CNTN4: variants seen among roughly 807,000 people sequenced by gnomAD.
The protein encoded by CNTN4 is contactin 4.
In CNTN4, 77 loss-of-function variants were observed where a neutral mutation model predicts 122.5. That is an observed-to-expected ratio of 0.63 (90% confidence interval 0.52 to 0.76). The LOEUF is 0.76. CNTN4 is among the 30% of genes least tolerant of loss of function. CNTN4 has a pLI of 0.00. For missense variants in CNTN4, 1,256 were observed against 1,259.1 expected (o/e 1.00, Z 0.04); for synonymous variants, 512 against 447.0 (o/e 1.15, Z -1.83).
At chr3:2,447,684 A>G (rs1019888172) in intron 3 of CNTN4, among the ~76,000 whole-genome samples, 1 of 152,154 alleles carries the variant, frequency 6.6e-6, no homozygotes, top group African/African-American at 2.4e-5. Flanking sequence ...GAATGAATAT[A>G]TTAAAAATGT....
At chr3:2,426,280 G>T (rs183541048) in intron 3 of CNTN4, among the ~76,000 whole-genome samples, 93 of 152,266 alleles carry the variant, frequency 6.1e-4, no homozygotes, top group African/African-American at 2.1e-3. Flanking sequence ...AGCATGAACG[G>T]CTGTTGAATT....
chr3:2,154,848 G>T (rs574166938), intron 2 of CNTN4, among the ~76,000 whole-genome samples: 2 of 152,304 alleles, frequency 1.3e-5, no homozygotes, highest in Non-Finnish European at 2.9e-5. Flanking sequence ...ATCCACAAAA[G>T]TGCCAGAAAT....
chr3:2,984,173 G>T (rs80208679), intron 13 of CNTN4, among the ~76,000 whole-genome samples: 4,470 of 152,268 alleles, frequency 0.029, 78 homozygotes, highest in Non-Finnish European at 0.042. Flanking sequence ...CTACGACTGT[G>T]AAAAGCTAGC....
chr3:2,939,562 T>A (rs1235683889), intron 13 of CNTN4, among the ~76,000 whole-genome samples: 10 of 152,180 alleles, frequency 6.6e-5, no homozygotes, highest in Non-Finnish European at 7.4e-5. Context: ...TAACCTTCCA[T>A]GCCCCTAAAA....
In CNTN4 at chr3:2,564,828, T is replaced by C. The variant is rs148764590; in HGVS notation, c.-88-6588T>C. ...TTTTGAGAAATCCGTAGTGGGTTTA[T>C]ACTTTAAGAAATTTCAATGAAAGAC... On this transcript the variant is annotated intron_variant, in intron 3 of 24. Coordinates refer to ENST00000418658, the MANE Select transcript of CNTN4 (RefSeq NM_175607.3). Among the ~76,000 whole-genome samples, 523 of 152,318 alleles carry C rather than the reference T, an allele frequency of 3.4e-3. 3 individuals carry two copies. The highest frequency in any genetic ancestry group is 0.012 in the African/African-American group (497 of 41,586).
At chr3:2,099,572 C>T (rs1169951319) in intron 1 of CNTN4, 2 of 153,612 alleles carry the variant, frequency 1.3e-5, no homozygotes, top group Non-Finnish European at 2.9e-5. Flanking sequence ...TCTGTGGCGC[C>T]CGCTGGGTGC....
At chr3:2,479,130 T>G (rs973070842) in intron 3 of CNTN4, among the ~76,000 whole-genome samples, 1 of 152,156 alleles carries the variant, frequency 6.6e-6, no homozygotes, top group Non-Finnish European at 1.5e-5. Context: ...ACCATTTCAA[T>G]AATATTTGTT....
intron 4 of CNTN4, among the ~76,000 whole-genome samples, chr3:2,727,685 G>A (rs2088332477): frequency 6.6e-6 from 1 of 152,160 alleles, no homozygotes; most frequent in Non-Finnish European, 1.5e-5. Flanking sequence ...CATTACAAAC[G>A]ATTAGGGCTT....
intron 2 of CNTN4, among the ~76,000 whole-genome samples, chr3:2,199,895 T>C (rs1331875718): frequency 6.6e-6 from 1 of 152,030 alleles, no homozygotes; most frequent in East Asian, 1.9e-4. Context: ...GTGTAGAGAC[T>C]CCAAAGTGGC....
intron 2 of CNTN4, among the ~76,000 whole-genome samples, chr3:2,156,986 T>C (rs2035750478): frequency 6.6e-6 from 1 of 152,182 alleles, no homozygotes; most frequent in African/African-American, 2.4e-5. Context: ...TTCCTTCCAG[T>C]TTTCCTAATG....
At chr3:3,051,693 T>G (rs997270050) in intron 23 of CNTN4, among the ~76,000 whole-genome samples, 3 of 152,204 alleles carry the variant, frequency 2.0e-5, no homozygotes, top group African/African-American at 7.2e-5. Flanking sequence ...CTTATGAATC[T>G]TTCTACCTTA....
intron 4 of CNTN4, among the ~76,000 whole-genome samples, chr3:2,632,271 G>A (rs1318363170): frequency 6.6e-6 from 1 of 152,076 alleles, no homozygotes; most frequent in African/African-American, 2.4e-5. Context: ...ACTGTGCATA[G>A]ACAAAATTGG....
intron 2 of CNTN4, among the ~76,000 whole-genome samples, chr3:2,108,607 A>G (rs1364756551): frequency 6.6e-6 from 1 of 152,176 alleles, no homozygotes; most frequent in Non-Finnish European, 1.5e-5. Flanking sequence ...TACCAATCCT[A>G]GATCCATTTT....
intron 2 of CNTN4, among the ~76,000 whole-genome samples, chr3:2,265,654 G>T (rs921985634): frequency 1.3e-5 from 2 of 152,026 alleles, no homozygotes; most frequent in Admixed American, 6.6e-5. Context: ...GATTGCTTTG[G>T]ATAGTATAAA....
At chr3:2,122,783 A>G (rs1175824270) in intron 2 of CNTN4, among the ~76,000 whole-genome samples, 2 of 152,196 alleles carry the variant, frequency 1.3e-5, no homozygotes, top group African/African-American at 2.4e-5. Context: ...ATAGACGTTC[A>G]TTTTACAATC....
intron 2 of CNTN4, among the ~76,000 whole-genome samples, chr3:2,124,453 C>CAA (rs1227539143): frequency 6.1e-5 from 9 of 148,646 alleles, no homozygotes; most frequent in Admixed American, 1.4e-4. Flanking sequence ...CACACACACA[C>CAA]ACACACACAC....
Position 3,038,933 on chromosome 3 carries a change from T to A in CNTN4, c.2093T>A (p.Leu698His). 6.2e-7 allele frequency: 1 copy of A among 1,613,992 alleles called. No individual in the cohort carries two copies. Among genetic ancestry groups the A allele is most frequent in the East Asian group, 2.2e-5 (1 of 44,866 alleles). ...PSEKRRTEEA[L>H]PEVTPANVSG... ...ACTTGTTTTTTGTCTCCTTGTGCAGTCCCCGAAGTCACACCAGCGAATGTC... is the reference window on the plus strand; with the variant it reads ...ACTTGTTTTTTGTCTCCTTGTGCAGACCCCGAAGTCACACCAGCGAATGTC... Residue 698 changes from leucine to histidine, a missense_variant and splice_region_variant, in exon 19 of 25, where the codon CTC becomes CAC. Transcript: ENST00000418658.
chr3:2,185,272 C>A (rs924287162), intron 2 of CNTN4, among the ~76,000 whole-genome samples: 2 of 152,138 alleles, frequency 1.3e-5, no homozygotes, highest in South Asian at 2.1e-4. Context: ...GAAATGGGGA[C>A]ACATTGCTCA....
intron 7 of CNTN4, among the ~76,000 whole-genome samples, chr3:2,833,659 G>T (rs1005125511): frequency 6.6e-6 from 1 of 152,118 alleles, no homozygotes; most frequent in Non-Finnish European, 1.5e-5. Flanking sequence ...ACTGGGAGCT[G>T]CCACAAAAAC....
Sources: allele counts gnomAD v4.1 joint callset (sites outside exome capture counted in the v4.1 genomes callset), GRCh38; gene constraint gnomAD v4.1.1; transcripts MANE v1.5; gene names NCBI Gene and HGNC (gene_info 2026-07-23, HGNC 2026-07-21).